SLC35F3: variants seen among roughly 807,000 people sequenced by gnomAD.
SLC35F3 encodes the protein putative thiamine transporter SLC35F3.
A neutral mutation model predicts 49.9 loss-of-function variants in SLC35F3; 25 were observed. The observed-to-expected ratio is 0.50, with a 90% CI of 0.37 to 0.70. The LOEUF (loss-of-function observed/expected upper bound fraction) is 0.70. Ranked by LOEUF, SLC35F3 falls within the 30% of genes least tolerant of loss-of-function variation. The pLI is 0.00. For missense variants in SLC35F3, 525 were observed against 639.8 expected, an observed-to-expected ratio of 0.82 and a Z score of 1.94; for synonymous variants, 275 against 265.4, an observed-to-expected ratio of 1.04 and a Z score of -0.35.
chr1:233,946,659 G>C (rs1350248420), intron 2 of SLC35F3, among the ~76,000 whole-genome samples: 1 of 152,210 alleles, frequency 6.6e-6, no homozygotes, highest in Non-Finnish European at 1.5e-5. Context: ...TGGATGTTGA[G>C]AATTTGGAAA....
At chr1:234,080,916 G>A (rs555917835) in intron 2 of SLC35F3, among the ~76,000 whole-genome samples, 1 of 152,218 alleles carries the variant, frequency 6.6e-6, no homozygotes, top group East Asian at 1.9e-4. Context: ...ATGTTATGTG[G>A]ATTTTTATCT....
intron 2 of SLC35F3, among the ~76,000 whole-genome samples, chr1:234,056,213 G>A (rs537528444): frequency 6.6e-6 from 1 of 151,570 alleles, no homozygotes; most frequent in South Asian, 2.1e-4. Flanking sequence ...TTTCTAAGAT[G>A]TCCTTTTTCT....
Position 233,960,162 on chromosome 1 carries a change from A to G in SLC35F3, c.283+54404A>G, listed in dbSNP as rs12077298. On this transcript the variant is annotated intron_variant, in intron 2 of 7. Coordinates refer to ENST00000366618, the MANE Select transcript of SLC35F3 (RefSeq NM_173508.4). ...AACTGCATGTTTTTGTCTTTGCGCA[A>G]TATGCCAATTGGTGTGCAGAGCTCT... Among the ~76,000 whole-genome samples the G allele has an allele frequency of 1.5e-3, 233 of 152,158 alleles. 1 individual carries two copies. The highest frequency in any genetic ancestry group is 5.1e-3 in the African/African-American group (212 of 41,498).
chr1:233,951,661 C>T (rs1662609851), intron 2 of SLC35F3, among the ~76,000 whole-genome samples: 1 of 152,096 alleles, frequency 6.6e-6, no homozygotes, highest in Non-Finnish European at 1.5e-5. Flanking sequence ...TCTTCTGTGT[C>T]AGTTTCTCCT....
At chr1:234,062,979 A>G (rs1403507782) in intron 2 of SLC35F3, among the ~76,000 whole-genome samples, 3 of 151,654 alleles carry the variant, frequency 2.0e-5, no homozygotes, top group Non-Finnish European at 2.9e-5. Flanking sequence ...GTGAGCCACC[A>G]TGCCCGGCCT....
chr1:234,186,068 A>G (rs1194710003), intron 2 of SLC35F3, among the ~76,000 whole-genome samples: 1 of 152,202 alleles, frequency 6.6e-6, no homozygotes, highest in Non-Finnish European at 1.5e-5. Flanking sequence ...AGATAGAAAC[A>G]GGCACCAGGG....
rs1370729326 is a variant in SLC35F3 at position 234,017,029 on chromosome 1, A to G, written c.283+111271A>G. ...TAACCCCATTAAACATCATTCCTTA[A>G]TCTGCGTGTCTTAGTAACAGTAGTC... is the stretch of plus-strand genomic sequence containing the variant. On this transcript the variant is annotated intron_variant, in intron 2 of 7. Coordinates refer to ENST00000366618, the MANE Select transcript of SLC35F3 (RefSeq NM_173508.4). Among the ~76,000 whole-genome samples, 3 of 152,292 alleles carry G rather than the reference A, an allele frequency of 2.0e-5. No individual in the cohort carries two copies. In the East Asian group the frequency reaches 5.8e-4, roughly 29 times the overall value.
chr1:234,127,467 G>A (rs16842588), intron 2 of SLC35F3, among the ~76,000 whole-genome samples: 17,719 of 152,166 alleles, frequency 0.12, 2,132 homozygotes, highest in African/African-American at 0.31. Context: ...ACTGCTGCAT[G>A]GGTGAGATCC....
chr1:234,011,903 A>C (rs1558204877), intron 2 of SLC35F3, among the ~76,000 whole-genome samples: 1 of 152,170 alleles, frequency 6.6e-6, no homozygotes, highest in Admixed American at 6.5e-5. Flanking sequence ...GACAAAGTAT[A>C]GAGAAAGAAA....
intron 2 of SLC35F3, among the ~76,000 whole-genome samples, chr1:234,077,395 C>T (rs1664808845): frequency 6.6e-6 from 1 of 152,184 alleles, no homozygotes; most frequent in Admixed American, 6.5e-5. Context: ...GAAAGCAAGG[C>T]ACCTTTTTCA....
At chr1:234,094,697 T>TTA (rs1665092072) in intron 2 of SLC35F3, among the ~76,000 whole-genome samples, 1 of 152,182 alleles carries the variant, frequency 6.6e-6, no homozygotes, top group Non-Finnish European at 1.5e-5. Context: ...GTATATGGCA[T>TTA]TATAGGATTC....
At chr1:234,275,139 AC>A (rs1668180397) in intron 3 of SLC35F3, among the ~76,000 whole-genome samples, 1 of 152,184 alleles carries the variant, frequency 6.6e-6, no homozygotes, top group Non-Finnish European at 1.5e-5. Context: ...TTCACACCGG[AC>A]CTCATTTGAT....
At chr1:234,208,210 C>T (rs1171379547) in intron 2 of SLC35F3, among the ~76,000 whole-genome samples, 7 of 152,158 alleles carry the variant, frequency 4.6e-5, no homozygotes, top group African/African-American at 9.7e-5. Context: ...CTCTGTCGGT[C>T]TCAAGGGAAT....
intron 2 of SLC35F3, among the ~76,000 whole-genome samples, chr1:234,051,118 C>T (rs1425670352): frequency 3.9e-5 from 6 of 152,070 alleles, no homozygotes; most frequent in African/African-American, 4.8e-5. Context: ...CTTGGCATTG[C>T]GGGCTCTTTT....
At chr1:234,024,145 G>C (rs755825848) in intron 2 of SLC35F3, among the ~76,000 whole-genome samples, 15 of 151,916 alleles carry the variant, frequency 9.9e-5, no homozygotes, top group Non-Finnish European at 1.5e-5. Flanking sequence ...TAGATGAGGG[G>C]TATATAGGAA....
chr1:234,153,812 G>A (rs1423557147), intron 2 of SLC35F3, among the ~76,000 whole-genome samples: 2 of 151,706 alleles, frequency 1.3e-5, no homozygotes, highest in African/African-American at 4.8e-5. Context: ...AGTGGCTCAC[G>A]CCTGTAATCC....
rs1657597853 is a variant in SLC35F3 at position 234,320,791 on chromosome 1, GCT to G, written c.1237+607_1237+608del. On this transcript the variant is annotated intron_variant, in intron 7 of 7. Coordinates refer to ENST00000366618, the MANE Select transcript of SLC35F3 (RefSeq NM_173508.4). This position sits in a 1 kb window ranked among gnomAD's most constrained non-coding sequence, Gnocchi z 4.8. ...TCGTTGCCAAGGCACACAGTTGACA[GCT>G]CTTTCAGAAGCTTGTCTTCACCTGC... Among the ~76,000 whole-genome samples, 1 of 152,150 alleles carries G rather than the reference GCT, an allele frequency of 6.6e-6. No homozygotes were observed. The highest frequency in any genetic ancestry group is 1.5e-5 in the Non-Finnish European group (1 of 68,034).
chr1:234,124,594 C>T (rs1665620728), intron 2 of SLC35F3, among the ~76,000 whole-genome samples: 1 of 152,152 alleles, frequency 6.6e-6, no homozygotes, highest in South Asian at 2.1e-4. Flanking sequence ...CAGCTGGGCA[C>T]AGTGGCTCAT....
intron 2 of SLC35F3, among the ~76,000 whole-genome samples, chr1:234,057,389 C>A (rs1197645353): frequency 1.3e-5 from 2 of 151,910 alleles, no homozygotes; most frequent in African/African-American, 4.8e-5. Flanking sequence ...TGAATTTATT[C>A]CACAGTATTT....
Sources: gnomAD v4.1 joint callset for allele counts (sites outside exome capture counted in the v4.1 genomes callset) on GRCh38, gnomAD v4.1.1 for gene constraint, Gnocchi (gnomAD v3.1) non-coding constraint, MANE v1.5 for transcripts, NCBI Gene and HGNC (gene_info 2026-07-23, HGNC 2026-07-21) for gene names.